The following B3GAT3 variants were observed in gnomAD, a reference collection of about 807,000 sequenced individuals.
B3GAT3 encodes the protein galactosylgalactosylxylosylprotein 3-beta-glucuronosyltransferase 3.
A neutral mutation model predicts 33.1 loss-of-function variants in B3GAT3; 19 were observed. The observed-to-expected ratio is 0.57, with a 90% CI of 0.40 to 0.84. The LOEUF is 0.84. Ranked by LOEUF, B3GAT3 falls within the 40% of genes least tolerant of loss-of-function variation. The pLI is 0.00. For missense variants in B3GAT3, 344 were observed against 441.5 expected (o/e 0.78, Z 1.98); for synonymous variants, 167 against 193.5 (o/e 0.86, Z 1.14).
intron 2 of B3GAT3, 121 bp downstream of exon 2, chr11:62,620,376 C>T: frequency 1.1e-6 from 1 of 937,678 alleles, no homozygotes; most frequent in Admixed American, 2.0e-5. Flanking sequence ...GTTCATTTAT[C>T]CTGTCTTTGG....
rs189206849 is a variant in B3GAT3, at chr11:62,617,623, A to G, written c.258-276T>C. ...CCGGGCATGGTGGCTCACACCTATAATAACACTTTGGGAGGCTGAGGCAGG... is the reference window on the plus strand; with the variant it reads ...CCGGGCATGGTGGCTCACACCTATAGTAACACTTTGGGAGGCTGAGGCAGG... On this transcript the variant is annotated intron_variant, in intron 2 of 4. Coordinates refer to ENST00000265471, the MANE Select transcript of B3GAT3 (RefSeq NM_012200.4). Among the ~76,000 whole-genome samples, 155 of 152,128 alleles carry G rather than the reference A, an allele frequency of 1.0e-3. 2 individuals carry two copies. In the Middle Eastern group the frequency reaches 0.01, roughly 10 times the overall value.
Position 62,616,578 on chromosome 11 carries a change from G to T in B3GAT3, c.837C>A (p.His279Gln), listed in dbSNP as rs778053781. The T allele has an allele frequency of 1.6e-5, 26 of 1,614,242 alleles. No homozygotes were observed. Among genetic ancestry groups the T allele is most frequent in the Non-Finnish European group, 1.9e-5 (23 of 1,180,044 alleles). ...GGTGGCTCAGAAGACTGCTCTCCAG[G>T]TGGCCCCGGGGAGCGGTGGAATCAA... The part of the protein sequence containing the change: ...AQFDSTAPRG[H>Q]LESSLLSHLV... The change falls in exon 4 of 5, where the codon CAC becomes CAA. Residue 279 changes from histidine to glutamine, a missense_variant. By Grantham distance (24) the His-to-Gln change is conservative (BLOSUM62 0). Transcript: ENST00000265471.
At chr11:62,616,242 T>TCAAA in intron 4 of B3GAT3, 3 of 472,676 alleles carry the variant, frequency 6.3e-6, no homozygotes, top group South Asian at 2.4e-5. Context: ...AGACTCTGTC[T>TCAAA]GAAAAAAAAA....
rs372126822 is a variant in B3GAT3 at position 62,616,508 on chromosome 11, G to A, written c.907C>T (p.Arg303Trp). The A allele has an allele frequency of 1.1e-5, 18 of 1,614,004 alleles. No individual in the cohort carries two copies. The highest frequency in any genetic ancestry group is 1.7e-4 in the Middle Eastern group (1 of 6,040). ...TATGCCCATCTCCATTCCCTTACCC[G>A]AGTGCAGTTGGCAGCCCGTGGCTCC... ...DLEPRAANCT[R>W]VLVWHTRTEK... The change falls in exon 4 of 5, where the codon CGG becomes TGG. Residue 303 changes from arginine to tryptophan, a missense_variant and splice_region_variant. By Grantham distance (101) the Arg-to-Trp change is moderately radical (BLOSUM62 -3). Transcript: ENST00000265471.
intron 2 of B3GAT3, among the ~76,000 whole-genome samples, chr11:62,618,881 G>A (rs190975526): frequency 6.6e-6 from 1 of 152,062 alleles, no homozygotes; most frequent in Non-Finnish European, 1.5e-5. Flanking sequence ...TACTCGGGGG[G>A]CTGAGGCAGG....
intron 1 of B3GAT3, 111 bp downstream of exon 1, chr11:62,621,755 G>A: frequency 8.3e-7 from 1 of 1,206,614 alleles, no homozygotes; most frequent in Middle Eastern, 2.7e-4. Flanking sequence ...AGAGCTGTCC[G>A]GAGGGCCGAG....
Position 62,617,169 on chromosome 11 carries a change from G to A in B3GAT3, c.436C>T (p.Arg146Trp), listed in dbSNP as rs566214939. 153 of 1,613,906 alleles carry A rather than the reference G, an allele frequency of 9.5e-5. No individual in the cohort carries two copies. The highest frequency in any genetic ancestry group is 1.2e-4 in the Non-Finnish European group (147 of 1,179,946). Residue 146 changes from arginine (R) to tryptophan (W), a missense_variant, in exon 3 of 5, where the codon CGG becomes TGG. Transcript: ENST00000265471. ...TGAACCCAGCCAGGCTCGCCCTCCC[G>A]AAGCCGCTGGGCTTTGGGCGTGAGG... ...VVLTPKAQRLREGEPGWVHPR... is the reference protein window; with the variant it reads ...VVLTPKAQRLWEGEPGWVHPR...
chr11:62,620,460 G>A (rs773228623), intron 2 of B3GAT3, 37 bp downstream of exon 2: 1 of 1,602,752 alleles, frequency 6.2e-7, no homozygotes. Flanking sequence ...CAACTTCTTG[G>A]ACAACGCAGA....
intron 1 of B3GAT3, chr11:62,621,304 A>C (rs1349110701): frequency 4.4e-6 from 2 of 456,532 alleles, no homozygotes; most frequent in African/African-American, 2.0e-5. Context: ...CTAAGCAAAG[A>C]AACAAATTAA....
At chr11:62,619,438 G>C (rs1249385588) in intron 2 of B3GAT3, among the ~76,000 whole-genome samples, 1 of 152,048 alleles carries the variant, frequency 6.6e-6, no homozygotes, top group Non-Finnish European at 1.5e-5. Flanking sequence ...TAAAACAAAA[G>C]CAAATGTAAA....
intron 1 of B3GAT3, among the ~76,000 whole-genome samples, chr11:62,621,568 A>C (rs886753404): frequency 6.6e-6 from 1 of 152,200 alleles, no homozygotes; most frequent in African/African-American, 2.4e-5. Flanking sequence ...AGAAACTGTC[A>C]GCAAGCCAGT....
chr11:62,617,464 A>G, intron 2 of B3GAT3, 117 bp from the exon 3 acceptor site: 3 of 1,365,648 alleles, frequency 2.2e-6, no homozygotes, highest in Non-Finnish European at 3.1e-6. Flanking sequence ...TTCCCAACCA[A>G]TGCCTAAACT....
At chr11:62,620,204 G>A (rs1943118039) in intron 2 of B3GAT3, among the ~76,000 whole-genome samples, 1 of 151,758 alleles carries the variant, frequency 6.6e-6, no homozygotes, top group African/African-American at 2.4e-5. Context: ...TGTATTTTTA[G>A]TAGAGACGGG....
At chr11:62,619,302 A>T (rs1943096471) in intron 2 of B3GAT3, among the ~76,000 whole-genome samples, 1 of 152,128 alleles carries the variant, frequency 6.6e-6, no homozygotes, top group Non-Finnish European at 1.5e-5. Flanking sequence ...GGTGGGGTCT[A>T]GAGCTTCCTA....
Position 62,615,781 on chromosome 11 carries a change from G to T in B3GAT3, c.928C>A (p.Arg310=). The T allele has an allele frequency of 1.2e-6, 2 of 1,613,862 alleles. No individual in the cohort carries two copies. The highest frequency in any genetic ancestry group is 1.1e-5 in the South Asian group (1 of 91,060). ...NCTRVLVWHT[R]TEKPKMKQEE... ...TGCTTCATCTTGGGCTTCTCTGTCC[G>T]AGTATGCCACACCAGTACCTGTGCC... Residue 310 remains arginine (R), a synonymous_variant, in exon 5 of 5, where the codon CGG becomes AGG. Transcript: ENST00000265471.
intron 1 of B3GAT3, chr11:62,621,376 G>T: frequency 2.2e-6 from 1 of 454,552 alleles, no homozygotes; most frequent in South Asian, 1.6e-5. Context: ...GAATAAAAGG[G>T]AATGGAATTA....
At position 62,616,050 on chromosome 11, in the gene B3GAT3, T is replaced by C. The variant is rs1330869844; in HGVS notation, c.910-251A>G. Reference sequence around the variant, plus strand: ...CGAGGTCAGGAGATTGAGACCATCCTGGCTAACACCGTGAAACCCCGTCAC... The same window carrying C: ...CGAGGTCAGGAGATTGAGACCATCCCGGCTAACACCGTGAAACCCCGTCAC... On this transcript the variant is annotated intron_variant, in intron 4 of 4. Transcript: ENST00000265471. 4.3e-6 allele frequency: 5 copies of C among 1,168,636 alleles called. No homozygotes were observed. The East Asian group carries it at 1.6e-4, about 37-fold the overall frequency. The allele number at this position is 1,168,636 out of a possible 1,614,324, so 72.4% of individuals were successfully genotyped here. A position where few individuals can be genotyped will look rare whatever the true frequency, so the allele number is the denominator to read the frequency against.
At chr11:62,619,841 G>A (rs1325389378) in intron 2 of B3GAT3, among the ~76,000 whole-genome samples, 1 of 150,160 alleles carries the variant, frequency 6.7e-6, no homozygotes, top group East Asian at 2.0e-4. Context: ...ACTGCGCCCA[G>A]ACAAGCCCTT....
intron 4 of B3GAT3, chr11:62,616,061 G>C (rs541124317): frequency 5.7e-6 from 6 of 1,049,834 alleles, no homozygotes; most frequent in Non-Finnish European, 7.7e-6. Flanking sequence ...GGCTAACACC[G>C]TGAAACCCCG....
Sources: allele counts gnomAD v4.1 joint callset (sites outside exome capture counted in the v4.1 genomes callset), GRCh38; gene constraint gnomAD v4.1.1; transcripts MANE v1.5; gene names NCBI Gene and HGNC (gene_info 2026-07-23, HGNC 2026-07-21).